The following MAP6 variants were observed in gnomAD, a reference collection of about 807,000 sequenced individuals.
MAP6 encodes the protein microtubule-associated protein 6.
A neutral mutation model predicts 42.4 loss-of-function variants in MAP6; 26 were observed. The observed-to-expected ratio is 0.61, with a 90% CI of 0.45 to 0.85. The LOEUF is 0.85. Among genes scored for constraint, MAP6 ranks in the 40% least tolerant of loss-of-function variants. MAP6 has a pLI of 0.00. For missense variants in MAP6, 966 were observed against 1,099.0 expected (o/e 0.88, Z 1.71); for synonymous variants, 418 against 443.8 (o/e 0.94, Z 0.73).
chr11:75,634,391 C>T (rs1943334921), intron 1 of MAP6, among the ~76,000 whole-genome samples: 1 of 152,206 alleles, frequency 6.6e-6, no homozygotes, highest in Non-Finnish European at 1.5e-5. Context: ...ATTCTCCTGC[C>T]TCAGCCTTCT....
chr11:75,657,301 G>A (rs915857515), intron 1 of MAP6, among the ~76,000 whole-genome samples: 2 of 151,908 alleles, frequency 1.3e-5, no homozygotes, highest in Non-Finnish European at 2.9e-5. Context: ...TAGTAGAGAC[G>A]GGGGTTTCAC....
chr11:75,654,518 C>T (rs775784762), intron 1 of MAP6, among the ~76,000 whole-genome samples: 12 of 152,218 alleles, frequency 7.9e-5, no homozygotes, highest in East Asian at 1.9e-4. Flanking sequence ...ACTATACTTT[C>T]GAAAAATATG....
intron 1 of MAP6, among the ~76,000 whole-genome samples, chr11:75,662,494 T>C (rs1368955662): frequency 1.3e-5 from 2 of 152,216 alleles, no homozygotes; most frequent in Non-Finnish European, 2.9e-5. Flanking sequence ...CCTCACCAAG[T>C]AATTTTTTCC....
intron 1 of MAP6, among the ~76,000 whole-genome samples, chr11:75,647,611 C>T (rs1028078131): frequency 6.6e-6 from 1 of 151,738 alleles, no homozygotes; most frequent in African/African-American, 2.4e-5. Flanking sequence ...ATCTAGAAAA[C>T]GTATAGGAAA....
chr11:75,592,227 G>T (rs1942491418), intron 3 of MAP6, among the ~76,000 whole-genome samples: 1 of 152,154 alleles, frequency 6.6e-6, no homozygotes, highest in Non-Finnish European at 1.5e-5. Context: ...TTGCATCCCT[G>T]CTGCAGCACC....
chr11:75,653,270 G>A (rs187759779), intron 1 of MAP6, among the ~76,000 whole-genome samples: 102 of 152,342 alleles, frequency 6.7e-4, no homozygotes, highest in Non-Finnish European at 1.2e-3. Flanking sequence ...AAAGCAAGCT[G>A]AATGGACTTT....
At chr11:75,620,023 A>G (rs547658910) in intron 1 of MAP6, among the ~76,000 whole-genome samples, 19 of 152,328 alleles carry the variant, frequency 1.2e-4, no homozygotes, top group African/African-American at 3.8e-4. Flanking sequence ...GACTGCCATG[A>G]GATGGTATCT....
At chr11:75,606,158 T>G (rs2055412673) in intron 2 of MAP6, among the ~76,000 whole-genome samples, 154 bp from the exon 3 acceptor site, 1 of 152,132 alleles carries the variant, frequency 6.6e-6, no homozygotes, top group South Asian at 2.1e-4. Context: ...CCAAGGACAT[T>G]AGGGCATTCG....
intron 3 of MAP6, among the ~76,000 whole-genome samples, chr11:75,590,364 T>C (rs1942455579): frequency 6.6e-6 from 1 of 152,184 alleles, no homozygotes; most frequent in African/African-American, 2.4e-5. Flanking sequence ...CTGCAGAACC[T>C]ATCCCAAGGG....
chr11:75,648,895 A>C (rs139913807), intron 1 of MAP6, among the ~76,000 whole-genome samples: 1 of 152,350 alleles, frequency 6.6e-6, no homozygotes, highest in African/African-American at 2.4e-5. Context: ...CATATTATGA[A>C]GTTGGCAAAA....
intron 1 of MAP6, among the ~76,000 whole-genome samples, chr11:75,661,809 T>C (rs557755169): frequency 6.6e-6 from 1 of 152,078 alleles, no homozygotes; most frequent in East Asian, 1.9e-4. Flanking sequence ...ATACCAGATG[T>C]CCTAACCAAC....
chr11:75,663,099 T>C (rs1240852085), intron 1 of MAP6, among the ~76,000 whole-genome samples: 3 of 151,936 alleles, frequency 2.0e-5, no homozygotes, highest in African/African-American at 7.3e-5. Flanking sequence ...GTAGCTGGGA[T>C]TACAGGCGCA....
intron 1 of MAP6, among the ~76,000 whole-genome samples, chr11:75,618,993 G>A (rs1038488559): frequency 2.0e-5 from 3 of 152,216 alleles, no homozygotes; most frequent in South Asian, 4.1e-4. Flanking sequence ...GAGGGGGAGT[G>A]GGTGGGAGGG....
intron 1 of MAP6, among the ~76,000 whole-genome samples, chr11:75,631,426 C>CT (rs932442179): frequency 3.3e-5 from 5 of 151,560 alleles, no homozygotes; most frequent in East Asian, 1.9e-4. Context: ...ATACAGTAGA[C>CT]TTTTTTTTTC....
chr11:75,656,178 A>T (rs1943746780), intron 1 of MAP6, among the ~76,000 whole-genome samples: 1 of 152,222 alleles, frequency 6.6e-6, no homozygotes, highest in African/African-American at 2.4e-5. Flanking sequence ...GCCACAATGT[A>T]GGCCAGTGTT....
In MAP6 at chr11:75,625,006, A is replaced by G. The variant is rs530474920; in HGVS notation, c.906-16684T>C. On this transcript the variant is annotated intron_variant, in intron 1 of 3. Coordinates refer to ENST00000304771, the MANE Select transcript of MAP6 (RefSeq NM_033063.2). ...TGAGTGGGGCAGTAAGCCTCACTCA[A>G]CACAAAGAAAACAAAAGTACACACC... 3.3e-5 allele frequency among the ~76,000 whole-genome samples: 5 copies of G among 152,352 alleles called. No homozygotes were observed. The East Asian group carries it at 7.7e-4, about 24-fold the overall frequency.
chr11:75,645,130 A>T (rs186676764), intron 1 of MAP6, among the ~76,000 whole-genome samples: 201 of 152,260 alleles, frequency 1.3e-3, no homozygotes, highest in African/African-American at 4.3e-3. Flanking sequence ...AGAGCAGTAA[A>T]CGTGAGAAGT....
intron 3 of MAP6, among the ~76,000 whole-genome samples, chr11:75,601,936 T>C (rs1221612990): frequency 6.6e-6 from 1 of 151,508 alleles, no homozygotes. Context: ...CCCTGATCCA[T>C]GGAACCAGCT....
chr11:75,608,104 C>G lies in MAP6; in HGVS notation c.1119+5G>C. 1.2e-6 allele frequency: 2 copies of G among 1,613,234 alleles called. No individual in the cohort carries two copies. The highest frequency in any genetic ancestry group is 1.7e-6 in the Non-Finnish European group (2 of 1,179,860). On this transcript the variant is annotated splice_donor_5th_base_variant and intron_variant, in intron 2 of 3. Coordinates refer to ENST00000304771, the MANE Select transcript of MAP6 (RefSeq NM_033063.2). ...GCTGATGGGTTCCCACAAGGTCTGT[C>G]TCACCTTTGGGGGTTCCTTGAAGGG...
Sources: gnomAD v4.1 joint callset for allele counts (sites outside exome capture counted in the v4.1 genomes callset) on GRCh38, gnomAD v4.1.1 for gene constraint, MANE v1.5 for transcripts, NCBI Gene and HGNC (gene_info 2026-07-23, HGNC 2026-07-21) for gene names.